Variants in DEFB112 observed in about 807,000 individuals in gnomAD.
The protein encoded by DEFB112 is beta-defensin 112.
DEFB112 carries 2 observed loss-of-function variants against 1.1 expected under a neutral mutation model. That is an observed-to-expected ratio of 1.85 (90% confidence interval 0.76 to 5.83). The LOEUF is 5.83. DEFB112 is among the 30% of genes most tolerant of loss of function. The pLI is 0.05. For synonymous variants in DEFB112, 40 were observed against 31.2 expected (o/e 1.28, Z -0.93); for missense variants, 120 against 94.4 (o/e 1.27, Z -1.12).
At chr6:50,048,604 G>A (rs762400186) in intron 1 of DEFB112, 2 of 1,613,506 alleles carry the variant, frequency 1.2e-6, no homozygotes, top group East Asian at 4.5e-5. Context: ...TTGTCTTTGA[G>A]TACATTTTTT....
chr6:50,044,437 T>C (rs1376250171), intron 1 of DEFB112, among the ~76,000 whole-genome samples: 1 of 152,110 alleles, frequency 6.6e-6, no homozygotes, highest in Admixed American at 6.6e-5. Context: ...TTTTTCTCTT[T>C]CATCCTGAAG....
rs567265812 is a variant in DEFB112 at position 50,047,622 on chromosome 6, C to G, written c.58+2190G>C. Among the ~76,000 whole-genome samples the G allele has an allele frequency of 2.0e-5, 3 of 152,236 alleles. No individual in the cohort carries two copies. The South Asian group carries it at 6.2e-4, about 32-fold the overall frequency. On this transcript the variant is annotated intron_variant, in intron 1 of 1. Transcript: ENST00000651554. ...TGTAAAGGAAGGAGCATTGAAAAGT[C>G]CCATTCCAACATCATGCTGACATCC...
At position 50,043,673 on chromosome 6, in the gene DEFB112, A is replaced by G; in HGVS notation, c.187T>C (p.Cys63Arg). 6.2e-7 allele frequency: 1 copy of G among 1,613,592 alleles called. No individual in the cohort carries two copies. The highest frequency in any genetic ancestry group is 1.1e-5 in the South Asian group (1 of 91,070). The change falls in exon 2 of 2, where the codon TGC (cysteine) becomes CGC (arginine). Residue 63 changes from cysteine to arginine, a missense_variant. Physicochemically the swap from Cys to Arg is radical, Grantham distance 180. Coordinates refer to ENST00000651554, the MANE Select transcript of DEFB112 (RefSeq NM_001369057.2). ...GTAGGGTCACATTCTGTCACGCAGC[A>G]ATGAGTTGTAGGTCTTGCACAGTAT... ...ISYCARPTTHCCVTECDPTDP... is the reference protein window; with the variant it reads ...ISYCARPTTHRCVTECDPTDP...
intron 1 of DEFB112, among the ~76,000 whole-genome samples, chr6:50,049,062 A>C (rs1382739554): frequency 6.6e-6 from 1 of 152,128 alleles, no homozygotes; most frequent in Admixed American, 6.6e-5. Context: ...ATAAAGAAGA[A>C]AAATTATTAT....
intron 1 of DEFB112, among the ~76,000 whole-genome samples, chr6:50,045,064 G>C (rs943521197): frequency 6.6e-5 from 10 of 151,950 alleles, no homozygotes; most frequent in Non-Finnish European, 1.0e-4. Flanking sequence ...CTAGGAGACA[G>C]CACTTTATGC....
chr6:50,043,588 T>G lies in DEFB112; in HGVS notation c.272A>C (p.Asp91Ala), dbSNP rs1192754753. The stretch of plus-strand genomic sequence containing the variant: ...GCATGGATTTCTTCAATGACGTGAG[T>G]CTTTAGGGTACCATTCTTGAGTCCC... Reference protein sequence around the residue: ...SVGTQEWYPKDSRH With the variant: ...SVGTQEWYPKASRH Residue 91 changes from aspartate (D) to alanine (A), a missense_variant, in exon 2 of 2, where the codon GAC becomes GCC. Transcript: ENST00000651554. 8.1e-6 allele frequency: 13 copies of G among 1,612,716 alleles called. No individual in the cohort carries two copies. The highest frequency in any genetic ancestry group is 1.0e-5 in the Non-Finnish European group (12 of 1,179,286).
chr6:50,044,811 C>T (rs971780147), intron 1 of DEFB112, among the ~76,000 whole-genome samples: 1 of 151,946 alleles, frequency 6.6e-6, no homozygotes, highest in South Asian at 2.1e-4. Flanking sequence ...TAAAAATGAC[C>T]AAGTCCTTAT....
chr6:50,046,955 C>T (rs1774845493), intron 1 of DEFB112, among the ~76,000 whole-genome samples: 1 of 152,156 alleles, frequency 6.6e-6, no homozygotes, highest in South Asian at 2.1e-4. Flanking sequence ...AGGCTGGCCT[C>T]GGGGCTGAGT....
chr6:50,048,463 G>T, intron 1 of DEFB112: 1 of 1,283,820 alleles, frequency 7.8e-7, no homozygotes. Flanking sequence ...AATATACTCA[G>T]AATATTTACT....
In DEFB112 at chr6:50,043,449, A is replaced by T; in HGVS notation, c.*126T>A. 1.6e-6 allele frequency: 1 copy of T among 627,846 alleles called. No individual in the cohort carries two copies. The highest frequency in any genetic ancestry group is 2.7e-6 in the Non-Finnish European group (1 of 372,530). 38.9% of individuals were successfully genotyped at this position (627,846 alleles called of 1,614,324 possible). On this transcript the variant is annotated 3_prime_UTR_variant, in exon 2 of 2. Coordinates refer to ENST00000651554, the MANE Select transcript of DEFB112 (RefSeq NM_001369057.2). ...ATGTTTATAAAAATGTCCAGCTGAA[A>T]TATATTTTATTTAATTATTTATTCA...
rs977956181 is a variant in DEFB112, at chr6:50,042,385, G to T, written c.*1190C>A. Among the ~76,000 whole-genome samples, 8 of 152,030 alleles carry T rather than the reference G, an allele frequency of 5.3e-5. No individual in the cohort carries two copies. The highest frequency in any genetic ancestry group is 1.9e-4 in the African/African-American group (8 of 41,414). On this transcript the variant is annotated 3_prime_UTR_variant, in exon 2 of 2. Coordinates refer to ENST00000651554, the MANE Select transcript of DEFB112 (RefSeq NM_001369057.2). The stretch of plus-strand genomic sequence containing the variant: ...GTTTTGGTTATAAGATTAACCCAAA[G>T]CTGAAATGTGTATATGTCACAGCAG...
chr6:50,047,989 T>C (rs1774862924), intron 1 of DEFB112, among the ~76,000 whole-genome samples: 1 of 151,618 alleles, frequency 6.6e-6, no homozygotes, highest in Non-Finnish European at 1.5e-5. Context: ...CTACTAAAAA[T>C]ACAAAAAATT....
intron 1 of DEFB112, among the ~76,000 whole-genome samples, chr6:50,044,840 T>A (rs943426641): frequency 6.6e-6 from 1 of 152,070 alleles, no homozygotes; most frequent in Non-Finnish European, 1.5e-5. Context: ...TCTGTAAGTA[T>A]GCTTTCATCT....
intron 1 of DEFB112, among the ~76,000 whole-genome samples, chr6:50,047,690 C>G (rs923206412): frequency 2.6e-5 from 4 of 152,158 alleles, no homozygotes; most frequent in African/African-American, 9.7e-5. Context: ...ACTAAGTTCC[C>G]AGTCCCTTAT....
intron 1 of DEFB112, among the ~76,000 whole-genome samples, chr6:50,044,347 C>T (rs531328484): frequency 3.7e-4 from 57 of 152,166 alleles, no homozygotes; most frequent in Admixed American, 3.3e-4. Context: ...GATTAGAATA[C>T]GGAGATAGTA....
chr6:50,048,445 A>C (rs1774872126), intron 1 of DEFB112: 1 of 1,021,536 alleles, frequency 9.8e-7, no homozygotes, highest in Non-Finnish European at 1.5e-6. Context: ...ACAGGGACTG[A>C]GGTAGAGAAT....
At chr6:50,048,441 A>G in intron 1 of DEFB112, 1 of 977,554 alleles carries the variant, frequency 1.0e-6, no homozygotes, top group Non-Finnish European at 1.6e-6. Context: ...GTAAACAGGG[A>G]CTGAGGTAGA....
chr6:50,047,894 C>T (rs1439554247), intron 1 of DEFB112, among the ~76,000 whole-genome samples: 1 of 152,032 alleles, frequency 6.6e-6, no homozygotes, highest in Non-Finnish European at 1.5e-5. Context: ...ACCTGTAATC[C>T]CAGCATTTTG....
rs927861569 is a variant in DEFB112, at chr6:50,043,043, G to A, written c.*532C>T. 6.6e-6 allele frequency among the ~76,000 whole-genome samples: 1 copy of A among 151,688 alleles called. No individual in the cohort carries two copies. The highest frequency in any genetic ancestry group is 1.5e-5 in the Non-Finnish European group (1 of 67,884). ...CTAGTCTCCCTCTATTCTACCTTTT[G>A]AGATTATTCTTGGAAAAAAAATCAG... On this transcript the variant is annotated 3_prime_UTR_variant, in exon 2 of 2. Transcript: ENST00000651554.
Sources: allele counts gnomAD v4.1 joint callset (sites outside exome capture counted in the v4.1 genomes callset), GRCh38; gene constraint gnomAD v4.1.1; transcripts MANE v1.5; gene names NCBI Gene and HGNC (gene_info 2026-07-23, HGNC 2026-07-21).